The following MSL2 variants were observed in gnomAD, a reference collection of about 807,000 sequenced individuals.
MSL2 encodes E3 ubiquitin-protein ligase MSL2.
A neutral mutation model predicts 35.8 loss-of-function variants in MSL2; 2 were observed. The ratio of observed to expected loss-of-function variants is 0.06; its 90% CI spans 0.02 to 0.18. The LOEUF (loss-of-function observed/expected upper bound fraction) is 0.18, where lower values mean the gene tolerates loss of function less well. Among genes scored for constraint, MSL2 ranks in the 10% least tolerant of loss-of-function variants. The pLI is 1.00. For synonymous variants in MSL2, 296 were observed against 255.7 expected, an observed-to-expected ratio of 1.16 and a Z score of -1.50; for missense variants, 523 against 706.7, an observed-to-expected ratio of 0.74 and a Z score of 2.95.
At chr3:136,160,899 C>A (rs1467288460) in intron 1 of MSL2, among the ~76,000 whole-genome samples, 1 of 151,786 alleles carries the variant, frequency 6.6e-6, no homozygotes, top group Non-Finnish European at 1.5e-5. Context: ...CGATCCTGGC[C>A]GACACGGTGA....
Position 136,195,967 on chromosome 3 carries a change from GC to G in MSL2, c.-855del. 1 of 305,216 alleles carries G rather than the reference GC, an allele frequency of 3.3e-6. No homozygotes were observed. Among genetic ancestry groups the G allele is most frequent in the Non-Finnish European group, 4.8e-6 (1 of 209,030 alleles). 18.9% of individuals were successfully genotyped at this position (305,216 alleles called of 1,614,324 possible). A position where few individuals can be genotyped will look rare whatever the true frequency, so the allele number is the denominator to read the frequency against. On this transcript the variant is annotated 5_prime_UTR_variant, in exon 1 of 2. The change abolishes the stop of an existing upstream ORF in the 5' untranslated region. Transcript: ENST00000309993. Reference sequence around the variant, plus strand: ...CAGACTCAAGCGCCGCCCCCTCACTGCCCGGCCATTTTTTCGGCGCCACACA... The same window carrying G: ...CAGACTCAAGCGCCGCCCCCTCACTGCCGGCCATTTTTTCGGCGCCACACA...
intron 1 of MSL2, among the ~76,000 whole-genome samples, chr3:136,172,790 C>A (rs543531201): frequency 6.6e-6 from 1 of 151,950 alleles, no homozygotes; most frequent in East Asian, 1.9e-4. Context: ...AAAAAAAGTA[C>A]AAATTGTTGT....
intron 1 of MSL2, chr3:136,194,618 T>A: frequency 3.4e-6 from 1 of 294,300 alleles, no homozygotes; most frequent in Non-Finnish European, 5.6e-6. Context: ...TAACCACTTT[T>A]AACCGCCGTA....
chr3:136,177,310 C>T (rs1940203941), intron 1 of MSL2, among the ~76,000 whole-genome samples: 2 of 152,050 alleles, frequency 1.3e-5, no homozygotes, highest in Admixed American at 1.3e-4. Context: ...AATCATATGC[C>T]AGAAAAATAT....
intron 1 of MSL2, among the ~76,000 whole-genome samples, chr3:136,186,978 G>A (rs927586580): frequency 6.6e-6 from 1 of 152,010 alleles, no homozygotes; most frequent in East Asian, 1.9e-4. Context: ...GTAATGCTTA[G>A]AGAATCCTGA....
intron 1 of MSL2, among the ~76,000 whole-genome samples, chr3:136,168,171 G>C (rs1320323949): frequency 6.6e-6 from 1 of 152,096 alleles, no homozygotes; most frequent in East Asian, 1.9e-4. Flanking sequence ...CTTGAAGCCA[G>C]GAGTTCAAGA....
At chr3:136,166,696 G>A (rs190782666) in intron 1 of MSL2, among the ~76,000 whole-genome samples, 20 of 152,222 alleles carry the variant, frequency 1.3e-4, no homozygotes, top group Admixed American at 1.0e-3. Flanking sequence ...GGCAAATAGC[G>A]CTAAAATAAA....
intron 1 of MSL2, among the ~76,000 whole-genome samples, chr3:136,179,234 T>G (rs958137384): frequency 2.0e-5 from 3 of 152,166 alleles, no homozygotes; most frequent in Non-Finnish European, 4.4e-5. Flanking sequence ...TCGCCCAGGC[T>G]GGAGTGCAGC....
chr3:136,177,680 T>TACAA (rs1553766795), intron 1 of MSL2, among the ~76,000 whole-genome samples: 9 of 78,438 alleles, frequency 1.1e-4, no homozygotes, highest in Admixed American at 1.4e-4. Flanking sequence ...CTCCGTCTCA[T>TACAA]AAAAAAAAAA....
At chr3:136,186,460 G>C (rs969529708) in intron 1 of MSL2, among the ~76,000 whole-genome samples, 1 of 152,196 alleles carries the variant, frequency 6.6e-6, no homozygotes, top group African/African-American at 2.4e-5. Context: ...CTGCACAGCA[G>C]GAAGTGAGCA....
At chr3:136,162,353 T>G (rs1236540362) in intron 1 of MSL2, among the ~76,000 whole-genome samples, 1 of 151,282 alleles carries the variant, frequency 6.6e-6, no homozygotes, top group Non-Finnish European at 1.5e-5. Flanking sequence ...GAGGCCAGCG[T>G]AGGCAGATCA....
rs1237368050 is a variant in MSL2, at chr3:136,151,268, T to C, written c.1613A>G (p.Asn538Ser). 2 of 1,614,118 alleles carry C rather than the reference T, an allele frequency of 1.2e-6. No individual in the cohort carries two copies. Among genetic ancestry groups the C allele is most frequent in the Non-Finnish European group, 8.5e-7 (1 of 1,180,054 alleles). ...GINVTSIAVR[N>S]ASTSTSVINV... is the part of the protein sequence containing the mutation. ...TATTACACTGGTGCTGGTACTAGCG[T>C]TACGCACAGCAATGCTAGTCACGTT... The change falls in exon 2 of 2, where the codon AAC becomes AGC. Residue 538 changes from asparagine (N) to serine (S), a missense_variant. By Grantham distance (46) the Asn-to-Ser change is conservative (BLOSUM62 1). Around this residue, in one of 5 missense-constraint regions of MSL2, gnomAD observed 60 missense variants for 75.1 expected, o/e 0.80. Transcript: ENST00000309993. This position sits in a 1 kb window ranked among gnomAD's most constrained non-coding sequence, Gnocchi z 5.2.
chr3:136,194,460 A>G (rs913225355), intron 1 of MSL2: 2 of 985,596 alleles, frequency 2.0e-6, no homozygotes, highest in Non-Finnish European at 2.4e-6. Flanking sequence ...AAACCGTCAA[A>G]GCATTTGTGG....
Position 136,195,002 on chromosome 3 carries a change from A to G in MSL2, c.112T>C (p.Phe38Leu). 6.2e-7 allele frequency: 1 copy of G among 1,613,974 alleles called. No homozygotes were observed. The highest frequency in any genetic ancestry group is 1.3e-5 in the African/African-American group (1 of 75,020). Residue 38 changes from phenylalanine to leucine, a missense_variant, in exon 1 of 2, where the codon TTC (phenylalanine) becomes CTC (leucine). Transcript: ENST00000309993. ...ACACAGCACGAAAGGGACTGTCGGA[A>G]GTAAGGCAAGAGCCTGTTAATCTCA... ...FTEINRLLPYFRQSLSCCVCG... is the reference protein window; with the variant it reads ...FTEINRLLPYLRQSLSCCVCG...
intron 1 of MSL2, among the ~76,000 whole-genome samples, chr3:136,161,780 A>C (rs1939712926): frequency 6.6e-6 from 1 of 152,176 alleles, no homozygotes; most frequent in Admixed American, 6.5e-5. Flanking sequence ...TGATGGTTAC[A>C]CAACTCTAAA....
At chr3:136,171,803 G>A (rs960268977) in intron 1 of MSL2, among the ~76,000 whole-genome samples, 1 of 152,158 alleles carries the variant, frequency 6.6e-6, no homozygotes, top group Non-Finnish European at 1.5e-5. Flanking sequence ...CAAAAGCCTT[G>A]CATTTGGGTA....
At chr3:136,167,546 C>G (rs113894955) in intron 1 of MSL2, among the ~76,000 whole-genome samples, 5 of 152,114 alleles carry the variant, frequency 3.3e-5, no homozygotes, top group African/African-American at 9.7e-5. Flanking sequence ...TAATCAATAA[C>G]CTCAAATAAT....
chr3:136,154,320 G>A (rs1939456156), intron 1 of MSL2, among the ~76,000 whole-genome samples: 1 of 152,060 alleles, frequency 6.6e-6, no homozygotes, highest in African/African-American at 2.4e-5. Flanking sequence ...TATCCTAACT[G>A]CGACAATACA....
intron 1 of MSL2, among the ~76,000 whole-genome samples, chr3:136,166,788 GGTTATCA>G (rs1939867181): frequency 6.6e-6 from 1 of 152,048 alleles, no homozygotes; most frequent in Non-Finnish European, 1.5e-5. Context: ...TAAACAACAA[GGTTATCA>G]GTACTCTTGG....
Sources: gnomAD v4.1 joint callset for allele counts (sites outside exome capture counted in the v4.1 genomes callset) on GRCh38, gnomAD v4.1.1 for gene constraint, gnomAD v4.1.1 regional missense constraint, Gnocchi (gnomAD v3.1) non-coding constraint, MANE v1.5 for transcripts, NCBI Gene and HGNC (gene_info 2026-07-23, HGNC 2026-07-21) for gene names.